The following FAM184A variants were observed in gnomAD, a reference collection of about 807,000 sequenced individuals.
The protein encoded by FAM184A is protein FAM184A.
A neutral mutation model predicts 143.8 loss-of-function variants in FAM184A; 99 were observed. The observed-to-expected ratio is 0.69, with a 90% CI of 0.58 to 0.81. The LOEUF (loss-of-function observed/expected upper bound fraction) is 0.81. Among genes scored for constraint, FAM184A ranks in the 40% least tolerant of loss-of-function variants. The pLI is 0.00. For synonymous variants in FAM184A, 427 were observed against 446.4 expected (o/e 0.96, Z 0.55); for missense variants, 1,217 against 1,310.5 (o/e 0.93, Z 1.10).
chr6:118,976,443 A>T (rs1325760531), intron 11 of FAM184A, among the ~76,000 whole-genome samples: 1 of 152,040 alleles, frequency 6.6e-6, no homozygotes, highest in East Asian at 1.9e-4. Context: ...TGGGTGGATC[A>T]CCTGAGGTCA....
intron 9 of FAM184A, among the ~76,000 whole-genome samples, chr6:118,987,048 A>C (rs530140391): frequency 6.6e-6 from 1 of 152,248 alleles, no homozygotes. Context: ...ATTTTCTTGC[A>C]TAGTAGGAAA....
At chr6:119,132,950 A>G (rs1165343344) in intron 1 of FAM184A, among the ~76,000 whole-genome samples, 1 of 152,264 alleles carries the variant, frequency 6.6e-6, no homozygotes, top group East Asian at 1.9e-4. Context: ...ATCAGGGGAC[A>G]AAGAGTGAAA....
rs1009704853 is a variant in FAM184A at position 119,069,922 on chromosome 6, T to C, written c.159+8219A>G. Among the ~76,000 whole-genome samples the C allele has an allele frequency of 8.0e-4, 122 of 152,296 alleles. 1 individual carries two copies. The highest frequency in any genetic ancestry group is 6.8e-3 in the Middle Eastern group (2 of 294). The stretch of plus-strand genomic sequence containing the variant: ...ATTTAAATATTAGTAATGCACTTTA[T>C]AGATGAAATGTTTTACTTTCCAACT... On this transcript the variant is annotated intron_variant, in intron 1 of 17. Coordinates refer to ENST00000338891, the MANE Select transcript of FAM184A (RefSeq NM_024581.6).
At chr6:119,114,204 A>G (rs1346841558) in intron 1 of FAM184A, among the ~76,000 whole-genome samples, 1 of 152,184 alleles carries the variant, frequency 6.6e-6, no homozygotes, top group Non-Finnish European at 1.5e-5. Context: ...CATTCACAGA[A>G]CACCTTCCAG....
At chr6:119,069,098 G>C (rs188182113) in intron 1 of FAM184A, 134 of 356,934 alleles carry the variant, frequency 3.8e-4, no homozygotes, top group African/African-American at 2.8e-3. Flanking sequence ...TGAAAATAAA[G>C]GCCAAAACCA....
chr6:119,041,608 G>C (rs959025202), intron 1 of FAM184A, among the ~76,000 whole-genome samples: 2 of 152,114 alleles, frequency 1.3e-5, no homozygotes, highest in African/African-American at 4.8e-5. Flanking sequence ...TCTTGCAGCT[G>C]CACTCTTCTG....
Position 119,023,973 on chromosome 6 carries a change from C to A in FAM184A, c.1000G>T (p.Glu334Ter). Reference sequence around the variant, plus strand: ...TCTTTACTTACCTGAACATTGTTCTCTGCTATGGCAAGTGCCGTCTGAAGC... The same window carrying A: ...TCTTTACTTACCTGAACATTGTTCTATGCTATGGCAAGTGCCGTCTGAAGC... ...QKLQTALAIA[E>*]NNVQVLQKQL... Residue 334 changes from glutamate (E) to a stop codon, truncating the protein, a stop_gained, in exon 2 of 18, where the codon GAG becomes TAG. Transcript: ENST00000338891. LOFTEE classifies it high-confidence loss of function. 6.3e-7 allele frequency: 1 copy of A among 1,588,450 alleles called. No individual in the cohort carries two copies. The highest frequency in any genetic ancestry group is 1.2e-5 in the South Asian group (1 of 86,300).
chr6:119,014,430 T>C (rs1446634215), intron 5 of FAM184A, among the ~76,000 whole-genome samples: 1 of 152,250 alleles, frequency 6.6e-6, no homozygotes, highest in Admixed American at 6.5e-5. Flanking sequence ...TTTTCTACTC[T>C]GCAATTCTGT....
chr6:119,056,454 C>G (rs1371440207), intron 1 of FAM184A, among the ~76,000 whole-genome samples: 1 of 152,180 alleles, frequency 6.6e-6, no homozygotes, highest in East Asian at 1.9e-4. Context: ...TATCGTCCCA[C>G]AGTAACATTT....
At position 119,011,420 on chromosome 6, in the gene FAM184A, T is replaced by C; in HGVS notation, c.1542A>G (p.Glu514=). 3.9e-6 allele frequency: 6 copies of C among 1,547,346 alleles called. No individual in the cohort carries two copies. Among genetic ancestry groups the C allele is most frequent in the Non-Finnish European group, 5.3e-6 (6 of 1,137,710 alleles). The change falls in exon 6 of 18, where the codon GAA becomes GAG. Residue 514 remains glutamate (E), a synonymous_variant. Coordinates refer to ENST00000338891, the MANE Select transcript of FAM184A (RefSeq NM_024581.6). The part of the protein sequence containing the change: ...DKKKLQMDLE[E]QHNKDKLNLE... ...GGTTTAGTTTATCTTTGTTATGTTGTTCTTCCAAATCCTTAGAAAAAGAAA... is the reference window on the plus strand; with the variant it reads ...GGTTTAGTTTATCTTTGTTATGTTGCTCTTCCAAATCCTTAGAAAAAGAAA...
At chr6:119,020,735 G>A (rs73767218) in intron 3 of FAM184A, among the ~76,000 whole-genome samples, 2,398 of 152,232 alleles carry the variant, frequency 0.016, 59 homozygotes, top group African/African-American at 0.055. Context: ...AGCTACTTGG[G>A]AGGTTGAGAT....
At chr6:119,099,444 G>T (rs963479507) in intron 1 of FAM184A, among the ~76,000 whole-genome samples, 2 of 152,128 alleles carry the variant, frequency 1.3e-5, no homozygotes, top group African/African-American at 4.8e-5. Flanking sequence ...TTTATTTCAT[G>T]CTTGGGGGAA....
intron 9 of FAM184A, among the ~76,000 whole-genome samples, chr6:118,982,556 A>G (rs144106293): frequency 4.8e-4 from 73 of 152,354 alleles, no homozygotes; most frequent in Admixed American, 3.1e-3. Context: ...TGTCCATCCA[A>G]AAAGAATGGA....
chr6:118,964,706 G>GT lies in FAM184A; in HGVS notation c.3098dup (p.Asn1033LysfsTer10). The GT allele has an allele frequency of 6.2e-7, 1 of 1,609,048 alleles. No homozygotes were observed. Among genetic ancestry groups the GT allele is most frequent in the Non-Finnish European group, 8.5e-7 (1 of 1,176,266 alleles). ...TAATAACACCAACAGTAGGACTTGA[G>GT]TTAAACACTTTGTTGAAGTTAGTTT... On this transcript the variant is annotated frameshift_variant, in exon 16 of 18. Transcript: ENST00000338891. LOFTEE classifies it high-confidence loss of function.
At chr6:119,031,261 C>T (rs1271048741) in intron 1 of FAM184A, 1 of 152,172 alleles carries the variant, frequency 6.6e-6, no homozygotes, top group African/African-American at 2.4e-5. Context: ...GAAGCCCTAA[C>T]GCCCAATATG....
At chr6:119,092,106 C>T (rs1400976280) in intron 1 of FAM184A, among the ~76,000 whole-genome samples, 3 of 152,178 alleles carry the variant, frequency 2.0e-5, no homozygotes, top group South Asian at 2.1e-4. Flanking sequence ...TACTCTTATT[C>T]GTATATCCAC....
At chr6:119,012,045 T>C (rs1315563131) in intron 5 of FAM184A, among the ~76,000 whole-genome samples, 4 of 152,110 alleles carry the variant, frequency 2.6e-5, no homozygotes, top group Non-Finnish European at 5.9e-5. Flanking sequence ...CGGGAGTATA[T>C]GGAAGGGGAA....
At chr6:119,015,286 G>A (rs966665037) in intron 5 of FAM184A, among the ~76,000 whole-genome samples, 2 of 152,106 alleles carry the variant, frequency 1.3e-5, no homozygotes, top group Admixed American at 6.5e-5. Context: ...ACTGGCCAAG[G>A]CCAGAGCCGG....
chr6:118,975,213 TAAA>T lies in FAM184A; in HGVS notation c.2584-8_2584-6del. The T allele has an allele frequency of 7.8e-7, 1 of 1,283,900 alleles. No homozygotes were observed. The highest frequency in any genetic ancestry group is 1.6e-5 in the South Asian group (1 of 63,862). The allele number at this position is 1,283,900 out of a possible 1,614,324, so 79.5% of individuals were successfully genotyped here. Reference sequence around the variant, plus strand: ...TCTACATATGTGCTCCTTACTCTGTTAAAAAAAAAAAGTCATTTTTAGAAGTTT... The same window carrying T: ...TCTACATATGTGCTCCTTACTCTGTTAAAAAAAAGTCATTTTTAGAAGTTT... On this transcript the variant is annotated splice_polypyrimidine_tract_variant and splice_region_variant and intron_variant, in intron 12 of 17. Transcript: ENST00000338891.
Sources: gnomAD v4.1 joint callset for allele counts (sites outside exome capture counted in the v4.1 genomes callset) on GRCh38, gnomAD v4.1.1 for gene constraint, MANE v1.5 for transcripts, NCBI Gene and HGNC (gene_info 2026-07-23, HGNC 2026-07-21) for gene names.